Variants in TNIP3 observed in about 807,000 individuals in gnomAD.
TNIP3 encodes TNFAIP3-interacting protein 3.
TNIP3 carries 34 observed loss-of-function variants against 54.1 expected under a neutral mutation model. The observed-to-expected ratio is 0.63, with a 90% CI of 0.48 to 0.84. TNIP3 has a LOEUF of 0.84. Among genes scored for constraint, TNIP3 ranks in the 40% least tolerant of loss-of-function variants. The pLI, the probability that TNIP3 is intolerant of heterozygous loss-of-function variation, is 0.00. For missense variants in TNIP3, 366 were observed against 387.6 expected (o/e 0.94, Z 0.47); for synonymous variants, 134 against 136.8 (o/e 0.98, Z 0.14).
chr4:121,199,672 G>C (rs1470460177), intron 2 of TNIP3, among the ~76,000 whole-genome samples: 1 of 152,198 alleles, frequency 6.6e-6, no homozygotes, highest in Non-Finnish European at 1.5e-5. Context: ...AACAGCCTGA[G>C]AAGAATGGCC....
chr4:121,215,934 A>C (rs1412441850), intron 2 of TNIP3, among the ~76,000 whole-genome samples: 1 of 152,128 alleles, frequency 6.6e-6, no homozygotes, highest in Non-Finnish European at 1.5e-5. Context: ...GGCTTTAAAA[A>C]AAACTTTGAA....
chr4:121,184,848 C>T (rs770982837), intron 2 of TNIP3, among the ~76,000 whole-genome samples: 1 of 152,190 alleles, frequency 6.6e-6, no homozygotes, highest in African/African-American at 2.4e-5. Flanking sequence ...ATATGCATAA[C>T]AATGAGTTTG....
intron 2 of TNIP3, among the ~76,000 whole-genome samples, chr4:121,210,660 C>T (rs184569851): frequency 1.1e-3 from 166 of 152,230 alleles, no homozygotes; most frequent in Non-Finnish European, 1.9e-3. Context: ...GGCCTCTTTT[C>T]AAGGCTTGCA....
At chr4:121,149,747 C>A (rs1376472537) in intron 6 of TNIP3, among the ~76,000 whole-genome samples, 1 of 152,204 alleles carries the variant, frequency 6.6e-6, no homozygotes, top group East Asian at 1.9e-4. Context: ...GCCTCAGTGA[C>A]AATGGGAGAC....
intron 2 of TNIP3, among the ~76,000 whole-genome samples, chr4:121,197,693 C>T (rs960103688): frequency 1.3e-5 from 2 of 151,884 alleles, no homozygotes; most frequent in Non-Finnish European, 2.9e-5. Context: ...TAAACATAAA[C>T]AAAAAACTGG....
At position 121,142,726 on chromosome 4, in the gene TNIP3, C is replaced by G. The variant is rs762166640; in HGVS notation, c.786G>C (p.Gln262His). The G allele has an allele frequency of 6.2e-7, 1 of 1,610,276 alleles. No homozygotes were observed. Among genetic ancestry groups the G allele is most frequent in the Non-Finnish European group, 8.5e-7 (1 of 1,176,970 alleles). Reference protein sequence around the residue: ...EKEKLEKQLKQMYCPPCNCGL... With the variant: ...EKEKLEKQLKHMYCPPCNCGL... Reference sequence around the variant, plus strand: ...ATGCGTGAAAATTAGATCAACATACCTGTTTTAATTGCTTTTCTAGTTTTT... The same window carrying G: ...ATGCGTGAAAATTAGATCAACATACGTGTTTTAATTGCTTTTCTAGTTTTT... Residue 262 changes from glutamine to histidine, a missense_variant and splice_region_variant, in exon 8 of 11, where the codon CAG becomes CAC. Gln to His is a conservative substitution (Grantham distance 24). Coordinates refer to ENST00000057513, the MANE Select transcript of TNIP3 (RefSeq NM_024873.6).
intron 1 of TNIP3, among the ~76,000 whole-genome samples, chr4:121,223,414 A>G (rs149509737): frequency 6.6e-6 from 1 of 152,338 alleles, no homozygotes; most frequent in East Asian, 1.9e-4. Flanking sequence ...AACAATTCAA[A>G]CTTTAATGCT....
intron 4 of TNIP3, 40 bp downstream of exon 4, chr4:121,157,054 A>T (rs745395630): frequency 6.2e-7 from 1 of 1,610,400 alleles, no homozygotes; most frequent in African/African-American, 1.3e-5. Context: ...CTTTGCTTTT[A>T]TTTGGATCCT....
At chr4:121,226,513 T>C (rs1201769403) in intron 1 of TNIP3, among the ~76,000 whole-genome samples, 4 of 152,326 alleles carry the variant, frequency 2.6e-5, no homozygotes, top group South Asian at 4.1e-4. Context: ...CAGTGCCACT[T>C]GAAAGGACAC....
At chr4:121,223,086 C>T (rs1464830442) in intron 1 of TNIP3, among the ~76,000 whole-genome samples, 6 of 152,066 alleles carry the variant, frequency 3.9e-5, no homozygotes, top group Non-Finnish European at 8.8e-5. Flanking sequence ...ATTCCAGGCG[C>T]AAGCCACCGC....
At chr4:121,179,102 G>A (rs9784553) in intron 3 of TNIP3, among the ~76,000 whole-genome samples, 6,725 of 152,200 alleles carry the variant, frequency 0.044, 495 homozygotes, top group African/African-American at 0.15. Context: ...AAAGAAGCAA[G>A]GATTTCCAGA....
At chr4:121,143,432 A>G (rs772313767) in intron 7 of TNIP3, among the ~76,000 whole-genome samples, 20 of 152,332 alleles carry the variant, frequency 1.3e-4, no homozygotes, top group Non-Finnish European at 2.5e-4. Flanking sequence ...TCCATGTCCC[A>G]CATTCCCATA....
intron 7 of TNIP3, among the ~76,000 whole-genome samples, chr4:121,144,546 C>T (rs552056218): frequency 5.9e-5 from 9 of 152,198 alleles, no homozygotes; most frequent in East Asian, 1.9e-4. Flanking sequence ...TGATTACAGG[C>T]GCGTGCCACC....
At chr4:121,221,916 C>T (rs867388306) in intron 1 of TNIP3, among the ~76,000 whole-genome samples, 95 of 152,186 alleles carry the variant, frequency 6.2e-4, no homozygotes, top group African/African-American at 2.3e-3. Flanking sequence ...TGCATTTCTT[C>T]TTCATGCAAA....
At chr4:121,186,276 G>A (rs555593703) in intron 2 of TNIP3, among the ~76,000 whole-genome samples, 8 of 152,168 alleles carry the variant, frequency 5.3e-5, no homozygotes, top group Non-Finnish European at 7.3e-5. Flanking sequence ...AGTGTTGACC[G>A]CTGTGGGAGG....
In TNIP3 at chr4:121,187,403, G is replaced by A. The variant is rs183796133; in HGVS notation, c.69-4607C>T. Among the ~76,000 whole-genome samples, 92 of 152,278 alleles carry A rather than the reference G, an allele frequency of 6.0e-4. 1 individual carries two copies. Among genetic ancestry groups the A allele is most frequent in the African/African-American group, 2.1e-3 (87 of 41,550 alleles). ...TATTTTTCAGATAGTAAGCTTGAGC[G>A]TCAGTGAGGCTAAGCAGTGAGGCTA... On this transcript the variant is annotated intron_variant, in intron 2 of 12. Transcript: ENST00000507879.
At chr4:121,179,361 T>A (rs189505501) in intron 3 of TNIP3, among the ~76,000 whole-genome samples, 1 of 152,348 alleles carries the variant, frequency 6.6e-6, no homozygotes, top group Admixed American at 6.5e-5. Flanking sequence ...GACAGTCATA[T>A]TTAAGTGTTG....
intron 5 of TNIP3, among the ~76,000 whole-genome samples, chr4:121,153,239 G>C (rs1421581212): frequency 6.6e-6 from 1 of 151,978 alleles, no homozygotes; most frequent in African/African-American, 2.4e-5. Flanking sequence ...TTTCTAACTT[G>C]AAACAATTTT....
chr4:121,199,864 A>C (rs868333593), intron 2 of TNIP3, among the ~76,000 whole-genome samples: 3 of 152,234 alleles, frequency 2.0e-5, no homozygotes, highest in African/African-American at 7.2e-5. Context: ...GCTGTGTAAC[A>C]GCACATGGCT....
Sources: gnomAD v4.1 joint callset for allele counts (sites outside exome capture counted in the v4.1 genomes callset) on GRCh38, gnomAD v4.1.1 for gene constraint, MANE v1.5 for transcripts, NCBI Gene and HGNC (gene_info 2026-07-23, HGNC 2026-07-21) for gene names.